The following ERCC5 variants were observed in gnomAD, a reference collection of about 807,000 sequenced individuals.
ERCC5 encodes the protein ERCC excision repair 5, endonuclease.
ERCC5 carries 68 observed loss-of-function variants against 105.6 expected under a neutral mutation model. That is an observed-to-expected ratio of 0.64 (90% confidence interval 0.53 to 0.79). The LOEUF is 0.79. ERCC5 is among the 30% of genes least tolerant of loss of function. The pLI is 0.00. For synonymous variants in ERCC5, 546 were observed against 526.2 expected (o/e 1.04, Z -0.51); for missense variants, 1,373 against 1,426.7 (o/e 0.96, Z 0.61).
intron 4 of ERCC5, among the ~76,000 whole-genome samples, 165 bp from the exon 5 acceptor site, chr13:102,855,887 T>C (rs1489835687): frequency 6.6e-6 from 1 of 152,238 alleles, no homozygotes; most frequent in Non-Finnish European, 1.5e-5. Flanking sequence ...CTCTAATTGC[T>C]TACTTACACG....
In ERCC5 at chr13:102,862,862, G is replaced by A. The variant is rs1411988767; in HGVS notation, c.1713G>A (p.Pro571=). 11 of 1,614,030 alleles carry A rather than the reference G, an allele frequency of 6.8e-6. No individual in the cohort carries two copies. Among genetic ancestry groups the A allele is most frequent in the Middle Eastern group, 1.6e-4 (1 of 6,084 alleles). Reference sequence around the variant, plus strand: ...GTGATGATGAAACAAAATGTAAACCGAATTCTGCTTCTGAAGTCATTGGCC... The same window carrying A: ...GTGATGATGAAACAAAATGTAAACCAAATTCTGCTTCTGAAGTCATTGGCC... ...LSSDDETKCK[P]NSASEVIGPV... Residue 571 remains proline (P), a synonymous_variant, in exon 8 of 15, where the codon CCG becomes CCA. Transcript: ENST00000652225.
At position 102,865,352 on chromosome 13, in the gene ERCC5, C is replaced by T; in HGVS notation, c.1955-315C>T. The T allele has an allele frequency of 2.8e-6, 1 of 358,124 alleles. No individual in the cohort carries two copies. Among genetic ancestry groups the T allele is most frequent in the Middle Eastern group, 9.6e-4 (1 of 1,038 alleles). The allele number at this position is 358,124 out of a possible 1,614,324, so 22.2% of individuals were successfully genotyped here. ...TTGTTTATATACTTTGATAATCCTC[C>T]TTTTTGAATTTTTAAAACAATGTCA... On this transcript the variant is annotated intron_variant, in intron 8 of 14. Coordinates refer to ENST00000652225, the MANE Select transcript of ERCC5 (RefSeq NM_000123.4). The surrounding 1 kb of genome is among the most constrained non-coding windows in gnomAD (Gnocchi z 4.0).
At chr13:102,846,581 C>A (rs934948032) in intron 1 of ERCC5, among the ~76,000 whole-genome samples, 1 of 152,198 alleles carries the variant, frequency 6.6e-6, no homozygotes, top group Non-Finnish European at 1.5e-5. Flanking sequence ...CAAGTTCCTT[C>A]AACTCCCTTA....
rs763654582 is a variant in ERCC5, at chr13:102,852,121, T to C, written c.92T>C (p.Ile31Thr). ...ALEGKILAVD[I>T]SIWLNQALKG... is the part of the protein sequence containing the mutation. The stretch of plus-strand genomic sequence containing the variant: ...TTTCCATTAACAATTCTCCCAGATA[T>C]TAGCATTTGGTTAAACCAAGCACTT... Residue 31 changes from isoleucine (I) to threonine (T), a missense_variant, in exon 2 of 15, where the codon ATT becomes ACT. By Grantham distance (89) the Ile-to-Thr change is moderately conservative. Coordinates refer to ENST00000652225, the MANE Select transcript of ERCC5 (RefSeq NM_000123.4). 10 of 1,613,916 alleles carry C rather than the reference T, an allele frequency of 6.2e-6. No homozygotes were observed. In the East Asian group the frequency reaches 6.7e-5, roughly 11 times the overall value.
chr13:102,857,926 C>T (rs148154194), intron 5 of ERCC5, among the ~76,000 whole-genome samples: 178 of 152,134 alleles, frequency 1.2e-3, no homozygotes, highest in African/African-American at 3.8e-3. Flanking sequence ...TTATCTTGTT[C>T]ATTTATTTAT....
At chr13:102,847,468 G>C (rs915375726) in intron 1 of ERCC5, among the ~76,000 whole-genome samples, 2 of 151,946 alleles carry the variant, frequency 1.3e-5, no homozygotes, top group Non-Finnish European at 2.9e-5. Flanking sequence ...GTGTGTGGGC[G>C]TTCAGCAAAG....
chr13:102,855,901 C>T (rs1882397926), intron 4 of ERCC5, 151 bp from the exon 5 acceptor site: 3 of 752,912 alleles, frequency 4.0e-6, no homozygotes, highest in Admixed American at 4.1e-5. Context: ...TTACACGTGT[C>T]CCCCACCAGA....
chr13:102,866,198 T>C, intron 9 of ERCC5, 64 bp from the exon 10 acceptor site: 1 of 1,603,188 alleles, frequency 6.2e-7, no homozygotes, highest in Non-Finnish European at 8.5e-7. Context: ...AAATGCAGGC[T>C]TTTTGTAAAC....
At chr13:102,856,625 G>C (rs1034165009) in intron 5 of ERCC5, among the ~76,000 whole-genome samples, 2 of 152,208 alleles carry the variant, frequency 1.3e-5, no homozygotes, top group African/African-American at 4.8e-5. Flanking sequence ...ATCGTCATCT[G>C]TCTGGGTTCC....
At chr13:102,847,723 C>T (rs1882032220) in intron 1 of ERCC5, among the ~76,000 whole-genome samples, 1 of 152,082 alleles carries the variant, frequency 6.6e-6, no homozygotes, top group Non-Finnish European at 1.5e-5. Flanking sequence ...GCTGTTGCTG[C>T]CCTCAAGCTG....
In ERCC5 at chr13:102,870,961, T is replaced by A. The variant is rs968313086; in HGVS notation, c.2679-1237T>A. Among the ~76,000 whole-genome samples the A allele has an allele frequency of 2.6e-5, 4 of 152,346 alleles. No individual in the cohort carries two copies. In the East Asian group the frequency reaches 7.7e-4, roughly 29 times the overall value. On this transcript the variant is annotated intron_variant, in intron 12 of 14. Coordinates refer to ENST00000652225, the MANE Select transcript of ERCC5 (RefSeq NM_000123.4). ...TAATTGTGTAAATGTTTCTGGTCAG[T>A]CGTCACTGCATTACAAACTACCTTC...
rs1882817891 is a variant in ERCC5 at position 102,865,912 on chromosome 13, G to T, written c.2199+1G>T. 30 of 1,614,132 alleles carry T rather than the reference G, an allele frequency of 1.9e-5. No individual in the cohort carries two copies. Among genetic ancestry groups the T allele is most frequent in the Non-Finnish European group, 2.3e-5 (27 of 1,180,032 alleles). Reference sequence around the variant, plus strand: ...CCATGAATGGCAAGATATTAATTTGGTAATACCGTAACATTGTGTTTCGAC... The same window carrying T: ...CCATGAATGGCAAGATATTAATTTGTTAATACCGTAACATTGTGTTTCGAC... On this transcript the variant is annotated splice_donor_variant, in intron 9 of 14. Coordinates refer to ENST00000652225, the MANE Select transcript of ERCC5 (RefSeq NM_000123.4). LOFTEE classifies it high-confidence loss of function. This position sits in a 1 kb window ranked among gnomAD's most constrained non-coding sequence, Gnocchi z 4.0.
At chr13:102,854,901 T>C (rs913231468) in intron 4 of ERCC5, among the ~76,000 whole-genome samples, 3 of 152,238 alleles carry the variant, frequency 2.0e-5, no homozygotes, top group Admixed American at 6.5e-5. Flanking sequence ...TCTCTCTTAA[T>C]GGTTGGTGGT....
chr13:102,872,579 G>C (rs1265258686), intron 13 of ERCC5, among the ~76,000 whole-genome samples, 181 bp downstream of exon 13: 4 of 151,734 alleles, frequency 2.6e-5, no homozygotes, highest in Non-Finnish European at 5.9e-5. Flanking sequence ...TTGTTTGTTT[G>C]TTTGTTTTAA....
In ERCC5 at chr13:102,866,565, C is replaced by T. The variant is rs1024927486; in HGVS notation, c.2320-67C>T. On this transcript the variant is annotated intron_variant, in intron 10 of 14. Coordinates refer to ENST00000652225, the MANE Select transcript of ERCC5 (RefSeq NM_000123.4). ...GCATTACATGAAGTGGTAGGCACTG[C>T]TCCCCCTGTGCTCAGGGCCTGGCGG... 26 of 1,600,624 alleles carry T rather than the reference C, an allele frequency of 1.6e-5. 1 individual carries two copies. Among genetic ancestry groups the T allele is most frequent in the Middle Eastern group, 2.2e-4 (1 of 4,578 alleles).
At position 102,858,344 on chromosome 13, in the gene ERCC5, G is replaced by A. The variant is rs1313599037; in HGVS notation, c.598G>A (p.Val200Ile). The A allele has an allele frequency of 6.2e-7, 1 of 1,614,144 alleles. No homozygotes were observed. Among genetic ancestry groups the A allele is most frequent in the Non-Finnish European group, 8.5e-7 (1 of 1,180,008 alleles). Residue 200 changes from valine (V) to isoleucine (I), a missense_variant, in exon 6 of 15, where the codon GTA (valine) becomes ATA (isoleucine). Around this residue, in one of 3 missense-constraint regions of ERCC5, gnomAD observed 1,004 missense variants for 1,059.7 expected, o/e 0.95. Coordinates refer to ENST00000652225, the MANE Select transcript of ERCC5 (RefSeq NM_000123.4). Reference sequence around the variant, plus strand: ...GGACTTCAGCAGCCTGCCCCCTGAAGTAAAGCATGAAATCTTGACTGATAT... The same window carrying A: ...GGACTTCAGCAGCCTGCCCCCTGAAATAAAGCATGAAATCTTGACTGATAT... ...SEDFSSLPPEVKHEILTDMKE... is the reference protein window; with the variant it reads ...SEDFSSLPPEIKHEILTDMKE...
intron 12 of ERCC5, 95 bp downstream of exon 12, chr13:102,868,352 C>A (rs966375018): frequency 6.7e-7 from 1 of 1,494,400 alleles, no homozygotes; most frequent in Non-Finnish European, 9.3e-7. Context: ...CATGCTGTAA[C>A]ATGTGAACAA....
rs889043774 is a variant in ERCC5 at position 102,875,480 on chromosome 13, G to T, written c.3138G>T (p.Glu1046Asp). The T allele has an allele frequency of 1.2e-6, 2 of 1,614,130 alleles. No individual in the cohort carries two copies. ...AVSVAMEKEFELLDKAKGKTQ... is the reference protein window; with the variant it reads ...AVSVAMEKEFDLLDKAKGKTQ... Reference sequence around the variant, plus strand: ...CTGTTGCCATGGAGAAAGAATTTGAGCTACTTGATAAGGCAAAAGGAAAAA... The same window carrying T: ...CTGTTGCCATGGAGAAAGAATTTGATCTACTTGATAAGGCAAAAGGAAAAA... Residue 1046 changes from glutamate to aspartate, a missense_variant, in exon 15 of 15, where the codon GAG becomes GAT. Glu to Asp is a conservative substitution (Grantham distance 45, BLOSUM62 2). This residue lies in a region of ERCC5 where 367 missense variants were observed against 350.2 expected (regional missense o/e 1.05). Transcript: ENST00000652225.
chr13:102,872,318 C>T lies in ERCC5; in HGVS notation c.2799C>T (p.Ala933=), dbSNP rs760098332. The T allele has an allele frequency of 1.9e-5, 30 of 1,614,012 alleles. No homozygotes were observed. Among genetic ancestry groups the T allele is most frequent in the African/African-American group, 4.0e-5 (3 of 74,904 alleles). Residue 933 remains alanine, a synonymous_variant, in exon 13 of 15, where the codon GCC becomes GCT. Coordinates refer to ENST00000652225, the MANE Select transcript of ERCC5 (RefSeq NM_000123.4). ...LTPGFPNPAV[A]EAYLKPVVDD... ...CTGGCTTTCCTAACCCAGCTGTTGC[C>T]GAGGCCTACCTCAAACCCGTGGTGG...
Sources: gnomAD v4.1 joint callset for allele counts (sites outside exome capture counted in the v4.1 genomes callset) on GRCh38, gnomAD v4.1.1 for gene constraint, gnomAD v4.1.1 regional missense constraint, Gnocchi (gnomAD v3.1) non-coding constraint, MANE v1.5 for transcripts, NCBI Gene and HGNC (gene_info 2026-07-23, HGNC 2026-07-21) for gene names.